The following WDFY3 variants were observed in gnomAD, a reference collection of about 807,000 sequenced individuals.
WDFY3 encodes WD repeat and FYVE domain containing 3, also known as WD repeat and FYVE domain-containing protein 3.
A neutral mutation model predicts 409.6 loss-of-function variants in WDFY3; 66 were observed. The ratio of observed to expected loss-of-function variants is 0.16; its 90% CI spans 0.13 to 0.20. WDFY3 has a LOEUF of 0.20. Among genes scored for constraint, WDFY3 ranks in the 10% least tolerant of loss-of-function variants. The pLI is 1.00. For missense variants in WDFY3, 3,031 were observed against 4,298.1 expected (o/e 0.71, Z 8.24); for synonymous variants, 1,521 against 1,537.1 (o/e 0.99, Z 0.25).
At chr4:84,785,824 G>A (rs764739373) in intron 24 of WDFY3, among the ~76,000 whole-genome samples, 155 bp downstream of exon 24, 1 of 151,956 alleles carries the variant, frequency 6.6e-6, no homozygotes, top group Non-Finnish European at 1.5e-5. Context: ...CATGTGTTTT[G>A]GCCTACATTT....
At chr4:84,826,719 T>G (rs1301635597) in intron 10 of WDFY3, 96 bp downstream of exon 10, 2 of 1,258,228 alleles carry the variant, frequency 1.6e-6, no homozygotes, top group African/African-American at 3.1e-5. Flanking sequence ...TACTTTTATA[T>G]ATATAACAGA....
chr4:84,769,676 C>G (rs971582486), intron 30 of WDFY3, among the ~76,000 whole-genome samples: 17 of 152,126 alleles, frequency 1.1e-4, no homozygotes, highest in Non-Finnish European at 8.8e-5. Flanking sequence ...CCCGCCTTGG[C>G]CTCCCAAAGT....
chr4:84,738,415 G>A (rs1446893984), intron 40 of WDFY3, among the ~76,000 whole-genome samples: 1 of 151,958 alleles, frequency 6.6e-6, no homozygotes, highest in Non-Finnish European at 1.5e-5. Flanking sequence ...TGGCCAACAC[G>A]GTGAAATCCT....
At chr4:84,890,394 G>A (rs544986536) in intron 3 of WDFY3, among the ~76,000 whole-genome samples, 8 of 152,220 alleles carry the variant, frequency 5.3e-5, no homozygotes, top group Middle Eastern at 6.8e-3. Flanking sequence ...GCCACCACAC[G>A]TGGCCTTGCC....
At chr4:84,693,810 G>T (rs983993434) in intron 58 of WDFY3, among the ~76,000 whole-genome samples, 61 of 151,118 alleles carry the variant, frequency 4.0e-4, no homozygotes, top group African/African-American at 1.3e-3. Flanking sequence ...CAGGAGAATC[G>T]CTTGAACCCA....
intron 4 of WDFY3, among the ~76,000 whole-genome samples, chr4:84,855,273 T>C (rs1481132151): frequency 6.6e-6 from 1 of 152,202 alleles, no homozygotes; most frequent in African/African-American, 2.4e-5. Context: ...AAACTACATC[T>C]ATCTGATTCC....
chr4:84,820,148 GT>G lies in WDFY3; in HGVS notation c.1629del (p.Lys543AsnfsTer11). On this transcript the variant is annotated frameshift_variant, in exon 12 of 68. Coordinates refer to ENST00000295888, the MANE Select transcript of WDFY3 (RefSeq NM_014991.6). LOFTEE classifies it high-confidence loss of function. ...GTCTCCATAACCAATAAAGCCAGGT[GT>G]TTTTGGTCTTCAACTGAACTATTAT... is the stretch of plus-strand genomic sequence containing the variant. ...SRNNSSVEDQ[K>X]HLALLVMETL... 1.9e-6 allele frequency: 3 copies of G among 1,608,644 alleles called. No homozygotes were observed. The highest frequency in any genetic ancestry group is 2.5e-6 in the Non-Finnish European group (3 of 1,176,780).
intron 1 of WDFY3, among the ~76,000 whole-genome samples, chr4:84,946,522 T>G (rs1772848056): frequency 6.6e-6 from 1 of 152,126 alleles, no homozygotes; most frequent in African/African-American, 2.4e-5. Flanking sequence ...GCTTTTTGCT[T>G]TTCTCCCACT....
At chr4:84,881,105 A>G (rs1195287846) in intron 3 of WDFY3, among the ~76,000 whole-genome samples, 1 of 151,990 alleles carries the variant, frequency 6.6e-6, no homozygotes, top group Non-Finnish European at 1.5e-5. Context: ...CTTATTCAAG[A>G]TTTCTATTTA....
chr4:84,965,037 G>T lies in WDFY3; in HGVS notation c.-226+1172C>A, dbSNP rs146773240. 4.3e-3 allele frequency among the ~76,000 whole-genome samples: 657 copies of T among 152,230 alleles called. 9 individuals are homozygous for T. The South Asian group carries it at 0.044, about 10-fold the overall frequency. On this transcript the variant is annotated intron_variant, in intron 1 of 67. Coordinates refer to ENST00000295888, the MANE Select transcript of WDFY3 (RefSeq NM_014991.6). ...TAATTCCTATACTTAAGAGTCTCAT[G>T]ATAAAGTTTTATTTTTTTTAAAGTC...
chr4:84,745,217 ATCC>A (rs941074409), intron 36 of WDFY3, among the ~76,000 whole-genome samples: 1 of 152,184 alleles, frequency 6.6e-6, no homozygotes, highest in Non-Finnish European at 1.5e-5. Flanking sequence ...GCCTTTTGTC[ATCC>A]TCAAATGCCA....
chr4:84,934,765 T>C (rs917204738), intron 1 of WDFY3, among the ~76,000 whole-genome samples: 1 of 152,126 alleles, frequency 6.6e-6, no homozygotes. Context: ...GGGTAAGTTA[T>C]TGGTATTGTT....
intron 10 of WDFY3, among the ~76,000 whole-genome samples, chr4:84,825,652 C>T (rs999899858): frequency 7.9e-5 from 12 of 151,956 alleles, no homozygotes; most frequent in African/African-American, 2.7e-4. Flanking sequence ...ACACTGATGA[C>T]GCCATCTATT....
chr4:84,801,433 G>C (rs1295241917), intron 17 of WDFY3, among the ~76,000 whole-genome samples: 1 of 152,184 alleles, frequency 6.6e-6, no homozygotes, highest in East Asian at 1.9e-4. Flanking sequence ...AGATTCAAAT[G>C]AAAGAAATAA....
At chr4:84,964,269 ATCAGCC>A (rs1369636953) in intron 1 of WDFY3, among the ~76,000 whole-genome samples, 1 of 152,144 alleles carries the variant, frequency 6.6e-6, no homozygotes, top group East Asian at 1.9e-4. Context: ...GGAGTTCAAG[ATCAGCC>A]TGAGCAACAC....
At chr4:84,739,197 T>C (rs1021355900) in intron 39 of WDFY3, 78 bp from the exon 40 acceptor site, 5 of 1,396,554 alleles carry the variant, frequency 3.6e-6, no homozygotes, top group African/African-American at 1.4e-5. Context: ...ATTACTCTAT[T>C]TCCATTACCA....
intron 2 of WDFY3, among the ~76,000 whole-genome samples, chr4:84,898,535 G>T (rs949432839): frequency 2.6e-5 from 4 of 152,150 alleles, no homozygotes. Flanking sequence ...AAGATGACTG[G>T]ACTACTATTA....
At chr4:84,764,407 T>G (rs1417330527) in intron 32 of WDFY3, among the ~76,000 whole-genome samples, 1 of 152,232 alleles carries the variant, frequency 6.6e-6, no homozygotes, top group African/African-American at 2.4e-5. Flanking sequence ...AAAGTACCCA[T>G]GATGATCATT....
rs769605191 is a variant in WDFY3 at position 84,775,074 on chromosome 4, G to A, written c.4583C>T (p.Thr1528Ile). 1 of 1,613,688 alleles carries A rather than the reference G, an allele frequency of 6.2e-7. No individual in the cohort carries two copies. The highest frequency in any genetic ancestry group is 1.1e-5 in the South Asian group (1 of 91,052). Residue 1528 changes from threonine (T) to isoleucine (I), a missense_variant, in exon 28 of 68, where the codon ACA becomes ATA. Thr to Ile is a moderately conservative substitution (Grantham distance 89, BLOSUM62 -1). Around this residue, in one of 16 missense-constraint regions of WDFY3, gnomAD observed 342 missense variants for 463.7 expected, o/e 0.74. Transcript: ENST00000295888. ...GGGTATTAATTAATACCTGGACTCTGTGAGCAGTTCAATAAAGTGTTCAAA... is the reference window on the plus strand; with the variant it reads ...GGGTATTAATTAATACCTGGACTCTATGAGCAGTTCAATAAAGTGTTCAAA... ...SLFEHFIELL[T>I]ESSEASKNAK...
Sources: allele counts gnomAD v4.1 joint callset (sites outside exome capture counted in the v4.1 genomes callset), GRCh38; gene constraint gnomAD v4.1.1; regional missense constraint gnomAD v4.1.1; transcripts MANE v1.5; gene names NCBI Gene and HGNC (gene_info 2026-07-23, HGNC 2026-07-21).